Variants in AHCYL1 observed in about 807,000 individuals in gnomAD.
AHCYL1 encodes the protein adenosylhomocysteinase like 1, also known as S-adenosylhomocysteine hydrolase-like protein 1.
AHCYL1 carries 20 observed loss-of-function variants against 79.3 expected under a neutral mutation model. The ratio of observed to expected loss-of-function variants is 0.25; its 90% CI spans 0.18 to 0.37. AHCYL1 has a LOEUF of 0.37. Among genes scored for constraint, AHCYL1 ranks in the 10% least tolerant of loss-of-function variants. The pLI is 1.00. For synonymous variants in AHCYL1, 223 were observed against 242.2 expected, an observed-to-expected ratio of 0.92 and a Z score of 0.74; for missense variants, 330 against 673.6, an observed-to-expected ratio of 0.49 and a Z score of 5.65.
At chr1:110,020,322 C>T (rs1162710704) in intron 15 of AHCYL1, among the ~76,000 whole-genome samples, 2 of 152,154 alleles carry the variant, frequency 1.3e-5, no homozygotes, top group Middle Eastern at 3.2e-3. Flanking sequence ...GTTATTGACA[C>T]AGGGTCTTTC....
chr1:110,017,250 T>C (rs1051099129), intron 9 of AHCYL1, among the ~76,000 whole-genome samples: 1 of 152,210 alleles, frequency 6.6e-6, no homozygotes, highest in African/African-American at 2.4e-5. Flanking sequence ...GTTTCCCTGA[T>C]GAAAACTGCT....
In AHCYL1 at chr1:109,988,212, C is replaced by T. The variant is rs576389236; in HGVS notation, c.120+3040C>T. ...AATACATGTCAATTCCTCAAGGGGA[C>T]GACTTTTCCTGACACAGAGTTCTAA... On this transcript the variant is annotated intron_variant, in intron 1 of 16. Coordinates refer to ENST00000369799, the MANE Select transcript of AHCYL1 (RefSeq NM_006621.7). Among the ~76,000 whole-genome samples, 29 of 151,668 alleles carry T rather than the reference C, an allele frequency of 1.9e-4. 1 individual carries two copies. In the South Asian group the frequency reaches 4.4e-3, roughly 23 times the overall value.
At chr1:110,014,996 A>G (rs952435549) in intron 6 of AHCYL1, 139 bp downstream of exon 6, 10 of 780,324 alleles carry the variant, frequency 1.3e-5, no homozygotes, top group Non-Finnish European at 1.9e-5. Flanking sequence ...CTTGATACCT[A>G]TTCAGAATGG....
At chr1:109,991,552 G>T (rs1038147921) in intron 1 of AHCYL1, among the ~76,000 whole-genome samples, 3 of 152,112 alleles carry the variant, frequency 2.0e-5, no homozygotes, top group African/African-American at 7.2e-5. Flanking sequence ...GTTCATCTTG[G>T]ACCTGCCTCA....
At chr1:109,996,616 CTG>C (rs1650044973) in intron 1 of AHCYL1, among the ~76,000 whole-genome samples, 1 of 152,208 alleles carries the variant, frequency 6.6e-6, no homozygotes, top group Admixed American at 6.5e-5. Context: ...ATTCTGTAAA[CTG>C]TGCCCTTAGG....
intron 13 of AHCYL1, 188 bp downstream of exon 13, chr1:110,018,838 C>A: frequency 1.4e-6 from 1 of 730,588 alleles, no homozygotes; most frequent in Non-Finnish European, 2.3e-6. Flanking sequence ...CTAAGTAACA[C>A]TATTTCCTAA....
At chr1:110,009,819 C>A (rs1442120579) in intron 2 of AHCYL1, among the ~76,000 whole-genome samples, 1 of 152,200 alleles carries the variant, frequency 6.6e-6, no homozygotes, top group Non-Finnish European at 1.5e-5. Flanking sequence ...AATATAGAAT[C>A]TTGGCAGATG....
At chr1:110,000,003 T>G (rs1650224193) in intron 1 of AHCYL1, among the ~76,000 whole-genome samples, 1 of 152,212 alleles carries the variant, frequency 6.6e-6, no homozygotes, top group African/African-American at 2.4e-5. Context: ...AATGGAATGT[T>G]TTTAGTTTAA....
chr1:110,016,287 T>G, intron 7 of AHCYL1, 57 bp from the exon 8 acceptor site: 1 of 1,337,614 alleles, frequency 7.5e-7, no homozygotes. Flanking sequence ...TGCCACAAAT[T>G]ATGTTGTGCC....
chr1:109,992,455 G>A (rs1649818475), intron 1 of AHCYL1, among the ~76,000 whole-genome samples: 1 of 150,032 alleles, frequency 6.7e-6, no homozygotes, highest in Non-Finnish European at 1.5e-5. Context: ...ATTCTGATCT[G>A]CCCTCTTTGA....
At chr1:110,001,016 A>C in intron 1 of AHCYL1, 1 of 941,264 alleles carries the variant, frequency 1.1e-6, no homozygotes, top group Non-Finnish European at 1.3e-6. Context: ...CTTCCTGTAC[A>C]ATCAACTTTA....
At chr1:110,018,165 A>C (rs991833901) in intron 11 of AHCYL1, 149 bp downstream of exon 11, 1 of 1,049,950 alleles carries the variant, frequency 9.5e-7, no homozygotes, top group Non-Finnish European at 1.4e-6. Context: ...TGTTTTCCAG[A>C]GTAAAAAACT....
At chr1:110,015,337 C>A in intron 6 of AHCYL1, 88 bp from the exon 7 acceptor site, 2 of 996,774 alleles carry the variant, frequency 2.0e-6, no homozygotes, top group South Asian at 2.7e-5. Context: ...ACATACAGGG[C>A]TCTCTTACTA....
At chr1:110,008,106 AC>A (rs1206385166) in intron 1 of AHCYL1, among the ~76,000 whole-genome samples, 1 of 136,870 alleles carries the variant, frequency 7.3e-6, no homozygotes, top group Non-Finnish European at 1.5e-5. Flanking sequence ...CACTGCAACC[AC>A]CACCTCCCGG....
intron 14 of AHCYL1, 116 bp downstream of exon 14, chr1:110,019,235 A>G (rs1651632802): frequency 9.0e-7 from 1 of 1,106,096 alleles, no homozygotes; most frequent in South Asian, 1.4e-5. Flanking sequence ...TTTTGATGTA[A>G]TAAATTGTGG....
At chr1:110,012,311 C>A in intron 3 of AHCYL1, 51 bp from the exon 4 acceptor site, 1 of 1,535,294 alleles carries the variant, frequency 6.5e-7, no homozygotes, top group East Asian at 2.3e-5. Flanking sequence ...GGGGCAGGAA[C>A]TGATGATACT....
At chr1:110,005,644 C>T (rs1429896934) in intron 1 of AHCYL1, among the ~76,000 whole-genome samples, 1 of 152,088 alleles carries the variant, frequency 6.6e-6, no homozygotes, top group Non-Finnish European at 1.5e-5. Context: ...AATTCTTTCT[C>T]ATTCAGGAGA....
chr1:109,987,012 C>T (rs975740906), intron 1 of AHCYL1, among the ~76,000 whole-genome samples: 1 of 152,220 alleles, frequency 6.6e-6, no homozygotes, highest in African/African-American at 2.4e-5. Flanking sequence ...GAAGCAGGCT[C>T]TGCCAGGAAT....
intron 1 of AHCYL1, among the ~76,000 whole-genome samples, chr1:110,001,149 T>C (rs116756336): frequency 0.011 from 1,702 of 152,340 alleles, 38 homozygotes; most frequent in African/African-American, 0.039. Flanking sequence ...AGCAGTGATA[T>C]ATATTGACAA....
Sources: allele counts gnomAD v4.1 joint callset (sites outside exome capture counted in the v4.1 genomes callset), GRCh38; gene constraint gnomAD v4.1.1; transcripts MANE v1.5; gene names NCBI Gene and HGNC (gene_info 2026-07-23, HGNC 2026-07-21).